Variants in SLC15A5 observed in about 807,000 individuals in gnomAD.
The protein encoded by SLC15A5 is solute carrier family 15 member 5, also known as Peptide/histidine transporter ENSP00000340402.
A neutral mutation model predicts 56.1 loss-of-function variants in SLC15A5; 58 were observed. That is an observed-to-expected ratio of 1.03 (90% CI 0.84 to 1.29). The LOEUF (loss-of-function observed/expected upper bound fraction) is 1.29. Among genes scored for constraint, SLC15A5 ranks in the 50% most tolerant of loss-of-function variants. The probability of loss-of-function intolerance (pLI) is 0.00; values close to 1 mark genes in which losing one functional copy is unlikely to be tolerated. For synonymous variants in SLC15A5, 264 were observed against 250.5 expected (o/e 1.05, Z -0.51); for missense variants, 681 against 672.1 (o/e 1.01, Z -0.15).
chr12:16,215,526 C>G (rs758194334), intron 7 of SLC15A5, among the ~76,000 whole-genome samples: 2 of 152,142 alleles, frequency 1.3e-5, no homozygotes, highest in Admixed American at 6.5e-5. Context: ...TCTTACAAAA[C>G]CTTAATGCCA....
chr12:16,244,713 G>A lies in SLC15A5; in HGVS notation c.842C>T (p.Thr281Ile). 6.5e-7 allele frequency: 1 copy of A among 1,537,574 alleles called. No homozygotes were observed. Among genetic ancestry groups the A allele is most frequent in the East Asian group, 2.4e-5 (1 of 40,916 alleles). The change falls in exon 4 of 9, where the codon ACA (threonine) becomes ATA (isoleucine). Residue 281 changes from threonine to isoleucine, a missense_variant. Thr to Ile is a moderately conservative substitution (Grantham distance 89, BLOSUM62 -1). Coordinates refer to ENST00000344941, the MANE Select transcript of SLC15A5 (RefSeq NM_001170798.1). ...TTCTTTGGCATGGTCTAACTGGCTT[G>A]TCACGTCTCTGCCAAGATGGCAGTA... is the stretch of plus-strand genomic sequence containing the variant. ...PQYCHLGRDV[T>I]SQLDHAKEKN...
chr12:16,216,815 C>G, intron 7 of SLC15A5, 78 bp downstream of exon 7: 2 of 1,282,326 alleles, frequency 1.6e-6, no homozygotes, highest in Non-Finnish European at 2.1e-6. Context: ...CTGACAAAGC[C>G]CCTTTCTTAA....
Position 16,272,633 on chromosome 12 carries a change from G to A in SLC15A5, c.512C>T (p.Ala171Val), listed in dbSNP as rs1434365383. 1.3e-6 allele frequency: 2 copies of A among 1,536,854 alleles called. No homozygotes were observed. The highest frequency in any genetic ancestry group is 1.4e-5 in the African/African-American group (1 of 73,014). The change falls in exon 2 of 9, where the codon GCC becomes GTC. Residue 171 changes from alanine (A) to valine (V), a missense_variant. By Grantham distance (64) the Ala-to-Val change is moderately conservative. Transcript: ENST00000344941. Reference sequence around the variant, plus strand: ...AAAAGCACCCAGTGGACAGACGATGGCTCTTACGCCTCCAATGCCAAGGCA... The same window carrying A: ...AAAAGCACCCAGTGGACAGACGATGACTCTTACGCCTCCAATGCCAAGGCA... ...TICLGIGGVR[A>V]IVCPLGAFGL...
At chr12:16,259,181 G>A (rs532839169) in intron 2 of SLC15A5, among the ~76,000 whole-genome samples, 3 of 146,976 alleles carry the variant, frequency 2.0e-5, no homozygotes, top group East Asian at 2.0e-4. Flanking sequence ...CCACAAGCAC[G>A]CACTACCATA....
At chr12:16,273,860 A>T (rs1011295448) in intron 1 of SLC15A5, among the ~76,000 whole-genome samples, 4 of 150,460 alleles carry the variant, frequency 2.7e-5, no homozygotes, top group Admixed American at 2.0e-4. Context: ...CCATAATCTC[A>T]TTACTCAGAG....
chr12:16,274,372 C>G (rs147963782), intron 1 of SLC15A5, among the ~76,000 whole-genome samples: 3 of 152,032 alleles, frequency 2.0e-5, no homozygotes, highest in East Asian at 1.9e-4. Flanking sequence ...AATGGCTCCT[C>G]CATGTTCGTT....
intron 7 of SLC15A5, among the ~76,000 whole-genome samples, chr12:16,204,171 G>A (rs1160548335): frequency 1.3e-5 from 2 of 151,990 alleles, no homozygotes; most frequent in African/African-American, 4.8e-5. Context: ...AAATAGGATT[G>A]GGGTCTGGGT....
chr12:16,224,825 C>G (rs1177042234), intron 5 of SLC15A5, among the ~76,000 whole-genome samples: 1 of 149,740 alleles, frequency 6.7e-6, no homozygotes, highest in Admixed American at 6.7e-5. Context: ...TGTTCTGCAC[C>G]CATTAACTCG....
intron 6 of SLC15A5, among the ~76,000 whole-genome samples, chr12:16,217,787 TGAGA>T (rs556081835): frequency 4.0e-5 from 6 of 151,486 alleles, no homozygotes; most frequent in Non-Finnish European, 8.8e-5. Flanking sequence ...GGAGAGGTGC[TGAGA>T]GAGAGAGAGA....
rs2136238413 is a variant in SLC15A5 at position 16,196,944 on chromosome 12, A to T, written c.1484-2491T>A. On this transcript the variant is annotated intron_variant, in intron 7 of 8. Coordinates refer to ENST00000344941, the MANE Select transcript of SLC15A5 (RefSeq NM_001170798.1). This position sits in a 1 kb window ranked among gnomAD's most constrained non-coding sequence, Gnocchi z 4.0. ...CTCTCATCACTGGGGATGCTGTGGA[A>T]AACAGAAATGACAAGTACTATGACT... Among the ~76,000 whole-genome samples, 1 of 152,196 alleles carries T rather than the reference A, an allele frequency of 6.6e-6. No homozygotes were observed. Among genetic ancestry groups the T allele is most frequent in the African/African-American group, 2.4e-5 (1 of 41,538 alleles).
intron 7 of SLC15A5, among the ~76,000 whole-genome samples, chr12:16,209,220 TTCTTA>T (rs148120791): frequency 0.19 from 29,086 of 151,732 alleles, 2,922 homozygotes; most frequent in East Asian, 0.27. Flanking sequence ...ACCATCTTCT[TTCTTA>T]TCTTCAGTGA....
intron 8 of SLC15A5, among the ~76,000 whole-genome samples, chr12:16,192,173 AAG>A (rs1592104549): frequency 1.3e-5 from 2 of 152,096 alleles, no homozygotes; most frequent in Non-Finnish European, 2.9e-5. Context: ...GGTGGGGAGT[AAG>A]TGCAGTTGTT....
chr12:16,195,138 T>G (rs1177398888), intron 7 of SLC15A5, among the ~76,000 whole-genome samples: 1 of 152,058 alleles, frequency 6.6e-6, no homozygotes, highest in African/African-American at 2.4e-5. Flanking sequence ...AGGTTCAAGG[T>G]AATTACTTTA....
intron 7 of SLC15A5, among the ~76,000 whole-genome samples, chr12:16,200,022 A>G (rs1205344479): frequency 6.6e-6 from 1 of 152,012 alleles, no homozygotes; most frequent in East Asian, 1.9e-4. Context: ...AAATATCCAC[A>G]TACACTCTCA....
intron 3 of SLC15A5, among the ~76,000 whole-genome samples, chr12:16,254,768 T>A (rs1864553084): frequency 6.6e-6 from 1 of 152,164 alleles, no homozygotes; most frequent in Non-Finnish European, 1.5e-5. Flanking sequence ...CATTGCATGT[T>A]CTCATTTACA....
rs185947441 is a variant in SLC15A5 at position 16,196,361 on chromosome 12, G to C, written c.1484-1908C>G. Among the ~76,000 whole-genome samples, 6 of 151,960 alleles carry C rather than the reference G, an allele frequency of 3.9e-5. No homozygotes were observed. Among genetic ancestry groups the C allele is most frequent in the Admixed American group, 2.0e-4 (3 of 15,224 alleles). ...CTATTGGATATTGTGTAGCCTTTTTGATGTGTATATGTGTGCTTTTGTGTG... is the reference window on the plus strand; with the variant it reads ...CTATTGGATATTGTGTAGCCTTTTTCATGTGTATATGTGTGCTTTTGTGTG... On this transcript the variant is annotated intron_variant, in intron 7 of 8. Coordinates refer to ENST00000344941, the MANE Select transcript of SLC15A5 (RefSeq NM_001170798.1). The surrounding 1 kb of genome is among the most constrained non-coding windows in gnomAD (Gnocchi z 4.0).
At chr12:16,192,382 AT>A (rs993211495) in intron 8 of SLC15A5, among the ~76,000 whole-genome samples, 1 of 151,954 alleles carries the variant, frequency 6.6e-6, no homozygotes. Context: ...TGAACTTTAC[AT>A]TTTTACTTAG....
At chr12:16,272,507 T>G in intron 2 of SLC15A5, 54 bp downstream of exon 2, 3 of 1,486,822 alleles carry the variant, frequency 2.0e-6, no homozygotes, top group Non-Finnish European at 1.8e-6. Context: ...AATCAGAAAG[T>G]AAACAGTGAG....
intron 7 of SLC15A5, among the ~76,000 whole-genome samples, chr12:16,197,093 AAAAG>A (rs1451097433): frequency 1.3e-5 from 2 of 151,850 alleles, no homozygotes; most frequent in African/African-American, 2.4e-5. Context: ...CTTAAAAAAA[AAAAG>A]AAAAGAAAAC....
Sources: allele counts gnomAD v4.1 joint callset (sites outside exome capture counted in the v4.1 genomes callset), GRCh38; gene constraint gnomAD v4.1.1; non-coding constraint Gnocchi (gnomAD v3.1); transcripts MANE v1.5; gene names NCBI Gene and HGNC (gene_info 2026-07-23, HGNC 2026-07-21).